Variants in PTPRT observed in about 807,000 individuals in gnomAD.
PTPRT encodes the protein receptor-type tyrosine-protein phosphatase T.
PTPRT carries 56 observed loss-of-function variants against 176.8 expected under a neutral mutation model. The observed-to-expected ratio is 0.32, with a 90% CI of 0.26 to 0.40. The LOEUF (loss-of-function observed/expected upper bound fraction) is 0.40. Ranked by LOEUF, PTPRT falls within the 10% of genes least tolerant of loss-of-function variation. The pLI, the probability that PTPRT is intolerant of heterozygous loss-of-function variation, is 1.00. For synonymous variants in PTPRT, 783 were observed against 739.0 expected (o/e 1.06, Z -0.96); for missense variants, 1,540 against 1,908.2 (o/e 0.81, Z 3.60).
chr20:42,409,407 G>T (rs1361617978), intron 9 of PTPRT, among the ~76,000 whole-genome samples: 4 of 144,236 alleles, frequency 2.8e-5, no homozygotes, highest in Non-Finnish European at 6.0e-5. Flanking sequence ...GCTTGAACCC[G>T]GGAGGTGGAA....
intron 20 of PTPRT, among the ~76,000 whole-genome samples, chr20:42,119,013 GAAAA>G (rs11415242): frequency 2.1e-4 from 6 of 29,224 alleles, no homozygotes; most frequent in African/African-American, 8.3e-4. Context: ...AGAAAGGAAG[GAAAA>G]AAAAAAAAAA....
chr20:42,182,446 T>A (rs144831455), intron 16 of PTPRT, among the ~76,000 whole-genome samples: 6 of 152,276 alleles, frequency 3.9e-5, no homozygotes, highest in African/African-American at 1.4e-4. Context: ...GATTTGCAAG[T>A]GTGTGTATTT....
chr20:42,136,132 G>A (rs1988363359), intron 18 of PTPRT, among the ~76,000 whole-genome samples: 1 of 150,796 alleles, frequency 6.6e-6, no homozygotes, highest in South Asian at 2.1e-4. Context: ...CTTAAAGAGA[G>A]AATCACTTCA....
chr20:42,952,003 C>T (rs929315878), intron 1 of PTPRT, among the ~76,000 whole-genome samples: 1 of 152,202 alleles, frequency 6.6e-6, no homozygotes, highest in Non-Finnish European at 1.5e-5. Context: ...CAAATCCCTG[C>T]TTCTTGAACC....
At chr20:42,248,876 AG>A in intron 13 of PTPRT, 54 bp from the exon 14 acceptor site, 2 of 1,594,314 alleles carry the variant, frequency 1.3e-6, no homozygotes, top group Non-Finnish European at 1.7e-6. Flanking sequence ...ACATGCGACT[AG>A]ACAATCATCA....
rs368650039 is a variant in PTPRT, at chr20:42,356,887, A to T, written c.1561-4602T>A. On this transcript the variant is annotated intron_variant, in intron 9 of 30. Transcript: ENST00000373187. ...AAAGAGCCATGGTCTTTTCTGCCAC[A>T]GGAACTTGCACCAGCTCTTCTGTCA... 4.6e-5 allele frequency among the ~76,000 whole-genome samples: 7 copies of T among 152,266 alleles called. No individual in the cohort carries two copies. The East Asian group carries it at 1.4e-3, about 29-fold the overall frequency.
chr20:42,889,960 G>A (rs2079165057), intron 1 of PTPRT, among the ~76,000 whole-genome samples: 1 of 152,150 alleles, frequency 6.6e-6, no homozygotes, highest in Admixed American at 6.5e-5. Flanking sequence ...GACACTCTGT[G>A]TTTTTATAAT....
intron 9 of PTPRT, among the ~76,000 whole-genome samples, chr20:42,364,450 T>G (rs555295454): frequency 6.2e-4 from 95 of 152,198 alleles, no homozygotes; most frequent in Admixed American, 9.8e-4. Flanking sequence ...TCGCCCCTAC[T>G]TACTATGAGA....
chr20:42,662,497 T>C lies in PTPRT; in HGVS notation c.1153+15369A>G, dbSNP rs1004037357. Among the ~76,000 whole-genome samples the C allele has an allele frequency of 5.9e-5, 9 of 152,144 alleles. No homozygotes were observed. The East Asian group carries it at 1.5e-3, about 26-fold the overall frequency. ...TGATAAAACCTACCTCATGGGGTTA[T>C]AGGTTTGCAGGCAAAGTCAGTGGGG... is the stretch of plus-strand genomic sequence containing the variant. On this transcript the variant is annotated intron_variant, in intron 7 of 30. Coordinates refer to ENST00000373187, the MANE Select transcript of PTPRT (RefSeq NM_007050.6).
intron 1 of PTPRT, among the ~76,000 whole-genome samples, chr20:43,094,180 C>T (rs1201556135): frequency 5.3e-5 from 8 of 151,006 alleles, no homozygotes; most frequent in African/African-American, 7.3e-5. Context: ...GTCCACCTCC[C>T]GGGTTCACGC....
rs148584931 is a variant in PTPRT, at chr20:43,180,800, A to G, written c.88+8846T>C. ...ACATTTAAAATGTGATATATAATAT[A>G]TATGCCCTATTATATATTCTAATAT... On this transcript the variant is annotated intron_variant, in intron 1 of 30. Transcript: ENST00000373187. 5.1e-3 allele frequency among the ~76,000 whole-genome samples: 772 copies of G among 152,286 alleles called. 8 individuals are homozygous for G. The highest frequency in any genetic ancestry group is 0.018 in the African/African-American group (731 of 41,544).
At chr20:42,275,840 G>T (rs774610978) in intron 13 of PTPRT, among the ~76,000 whole-genome samples, 4 of 152,158 alleles carry the variant, frequency 2.6e-5, no homozygotes, top group Non-Finnish European at 4.4e-5. Flanking sequence ...AGGAGAATTT[G>T]TTACACTCAT....
chr20:42,737,708 G>A (rs1417709043), intron 6 of PTPRT, among the ~76,000 whole-genome samples: 1 of 151,748 alleles, frequency 6.6e-6, no homozygotes, highest in East Asian at 1.9e-4. Flanking sequence ...CTTGGACCTT[G>A]GACTTCAGGA....
At chr20:42,322,932 A>G (rs919988929) in intron 11 of PTPRT, among the ~76,000 whole-genome samples, 15 of 152,128 alleles carry the variant, frequency 9.9e-5, no homozygotes, top group South Asian at 2.1e-4. Flanking sequence ...TAACAACCCC[A>G]TCAAAAAGTG....
At chr20:43,125,971 A>C (rs1343364294) in intron 1 of PTPRT, among the ~76,000 whole-genome samples, 1 of 152,244 alleles carries the variant, frequency 6.6e-6, no homozygotes, top group Non-Finnish European at 1.5e-5. Flanking sequence ...TTAAAAGTGA[A>C]AGGCATTTGG....
At chr20:42,487,565 G>A (rs1008437389) in intron 7 of PTPRT, among the ~76,000 whole-genome samples, 1 of 152,066 alleles carries the variant, frequency 6.6e-6, no homozygotes, top group South Asian at 2.1e-4. Flanking sequence ...GTACTCATAA[G>A]GGTCCTTATA....
intron 19 of PTPRT, among the ~76,000 whole-genome samples, chr20:42,127,717 T>C (rs1316159882): frequency 6.6e-6 from 1 of 152,202 alleles, no homozygotes; most frequent in Non-Finnish European, 1.5e-5. Flanking sequence ...CATTGGGTTG[T>C]CCTTCTGACC....
At chr20:42,601,399 A>G (rs184889249) in intron 7 of PTPRT, among the ~76,000 whole-genome samples, 1 of 152,330 alleles carries the variant, frequency 6.6e-6, no homozygotes, top group African/African-American at 2.4e-5. Context: ...TAGGCCATCA[A>G]GCATCAGCAC....
chr20:42,851,944 G>A (rs938628951), intron 2 of PTPRT, among the ~76,000 whole-genome samples: 4 of 152,078 alleles, frequency 2.6e-5, no homozygotes, highest in South Asian at 4.2e-4. Context: ...TTCCCAAAAC[G>A]ATTTAAGTCT....
Sources: gnomAD v4.1 joint callset for allele counts (sites outside exome capture counted in the v4.1 genomes callset) on GRCh38, gnomAD v4.1.1 for gene constraint, MANE v1.5 for transcripts, NCBI Gene and HGNC (gene_info 2026-07-23, HGNC 2026-07-21) for gene names.